Variants in ACAP2 observed in about 807,000 individuals in gnomAD.
ACAP2 encodes ArfGAP with coiled-coil, ankyrin repeat and PH domains 2, also known as arf-GAP with coiled-coil, ANK repeat and PH domain-containing protein 2.
A neutral mutation model predicts 115.8 loss-of-function variants in ACAP2; 39 were observed. That is an observed-to-expected ratio of 0.34 (90% confidence interval 0.26 to 0.44). The LOEUF is 0.44. Among genes scored for constraint, ACAP2 ranks in the 20% least tolerant of loss-of-function variants. The pLI, the probability that ACAP2 is intolerant of heterozygous loss-of-function variation, is 1.00. For synonymous variants in ACAP2, 289 were observed against 315.8 expected, an observed-to-expected ratio of 0.92 and a Z score of 0.90; for missense variants, 662 against 927.6, an observed-to-expected ratio of 0.71 and a Z score of 3.72.
chr3:195,417,876 G>C (rs1713871329), intron 1 of ACAP2, among the ~76,000 whole-genome samples: 1 of 151,944 alleles, frequency 6.6e-6, no homozygotes, highest in African/African-American at 2.4e-5. Flanking sequence ...TTGAGTCTTG[G>C]AGTTCAAGGT....
chr3:195,362,613 T>A lies in ACAP2; in HGVS notation c.286-17296A>T, dbSNP rs541897547. ...TCAACAAAATATAAGCAAACTCAAA[T>A]TAAACAACACATTAAAAGGATTACC... is the stretch of plus-strand genomic sequence containing the variant. On this transcript the variant is annotated intron_variant, in intron 4 of 22. Transcript: ENST00000326793. 7.9e-5 allele frequency among the ~76,000 whole-genome samples: 12 copies of A among 151,928 alleles called. No individual in the cohort carries two copies. The South Asian group carries it at 2.5e-3, about 32-fold the overall frequency.
chr3:195,343,009 A>AC, intron 5 of ACAP2, among the ~76,000 whole-genome samples: 1 of 151,870 alleles, frequency 6.6e-6, no homozygotes, highest in Admixed American at 6.6e-5. Flanking sequence ...AAAAAAAAAA[A>AC]TTAGCAAAAT....
intron 2 of ACAP2, among the ~76,000 whole-genome samples, chr3:195,382,384 G>T (rs878941688): frequency 1.3e-5 from 2 of 151,782 alleles, no homozygotes; most frequent in Non-Finnish European, 2.9e-5. Flanking sequence ...AAAAAAAAAT[G>T]TCTCTAATAC....
chr3:195,328,880 C>G (rs1293124624), intron 8 of ACAP2, among the ~76,000 whole-genome samples: 1 of 152,128 alleles, frequency 6.6e-6, no homozygotes, highest in Non-Finnish European at 1.5e-5. Flanking sequence ...TAGATCGAGA[C>G]CATCCTGGCT....
At chr3:195,371,520 T>A (rs952299518) in intron 4 of ACAP2, among the ~76,000 whole-genome samples, 3 of 152,218 alleles carry the variant, frequency 2.0e-5, no homozygotes. Flanking sequence ...TCTGACTTCC[T>A]CTCTTCCTAT....
At chr3:195,295,954 C>T in intron 16 of ACAP2, 62 bp from the exon 17 acceptor site, 1 of 1,383,676 alleles carries the variant, frequency 7.2e-7, no homozygotes, top group Non-Finnish European at 9.9e-7. Context: ...AATACCACAA[C>T]AAGCCATTAT....
chr3:195,283,487 A>C (rs11709417), intron 22 of ACAP2, among the ~76,000 whole-genome samples: 34,832 of 152,164 alleles, frequency 0.23, 4,706 homozygotes, highest in East Asian at 0.71. Flanking sequence ...ATTTACCCAG[A>C]GTTCTGAGGT....
At chr3:195,428,227 A>C (rs1056798163) in intron 1 of ACAP2, among the ~76,000 whole-genome samples, 11 of 150,960 alleles carry the variant, frequency 7.3e-5, no homozygotes, top group African/African-American at 2.4e-4. Context: ...ATATGTATGT[A>C]TATATGCAGT....
chr3:195,304,697 T>G (rs190076885), intron 13 of ACAP2, among the ~76,000 whole-genome samples: 31 of 152,192 alleles, frequency 2.0e-4, no homozygotes, highest in Non-Finnish European at 2.9e-4. Context: ...TCCCCACCAA[T>G]CCCTCATAGC....
intron 22 of ACAP2, among the ~76,000 whole-genome samples, chr3:195,280,075 G>A (rs1726391571): frequency 6.6e-6 from 1 of 151,966 alleles, no homozygotes. Flanking sequence ...GGGAAGCTGG[G>A]TGGGGGGGTT....
chr3:195,438,392 T>TA (rs11340511), intron 1 of ACAP2, among the ~76,000 whole-genome samples: 47 of 146,664 alleles, frequency 3.2e-4, no homozygotes, highest in Admixed American at 6.8e-4. Context: ...CTTCTGAGAT[T>TA]AAAAAAAAAA....
intron 13 of ACAP2, among the ~76,000 whole-genome samples, chr3:195,305,110 G>C (rs1728336153): frequency 6.6e-6 from 1 of 152,106 alleles, no homozygotes; most frequent in African/African-American, 2.4e-5. Context: ...AAAAAGAACA[G>C]GTCTATATCT....
intron 20 of ACAP2, among the ~76,000 whole-genome samples, chr3:195,290,040 G>A (rs1397126237): frequency 2.6e-5 from 4 of 152,162 alleles, no homozygotes; most frequent in African/African-American, 9.6e-5. Context: ...TAACTAAATG[G>A]AGTCTATGAA....
chr3:195,351,657 G>T (rs1731617884), intron 4 of ACAP2, among the ~76,000 whole-genome samples: 1 of 150,664 alleles, frequency 6.6e-6, no homozygotes, highest in African/African-American at 2.4e-5. Flanking sequence ...GTAGACAAAG[G>T]GTTTCACTGT....
At chr3:195,398,415 C>G (rs1711985806) in intron 1 of ACAP2, among the ~76,000 whole-genome samples, 1 of 152,078 alleles carries the variant, frequency 6.6e-6, no homozygotes, top group South Asian at 2.1e-4. Context: ...GAGGCCAAGG[C>G]AGGTAGATCA....
intron 4 of ACAP2, among the ~76,000 whole-genome samples, chr3:195,362,201 A>G (rs1320339863): frequency 6.6e-6 from 1 of 151,940 alleles, no homozygotes; most frequent in African/African-American, 2.4e-5. Flanking sequence ...CTGTAATCCC[A>G]GCTACTCAGG....
chr3:195,397,278 T>A (rs563001690), intron 1 of ACAP2, among the ~76,000 whole-genome samples: 1 of 152,168 alleles, frequency 6.6e-6, no homozygotes, highest in Non-Finnish European at 1.5e-5. Flanking sequence ...AACAGCCTTA[T>A]GTACCTTGGG....
At chr3:195,421,229 GAA>G (rs1714164587) in intron 1 of ACAP2, among the ~76,000 whole-genome samples, 1 of 152,150 alleles carries the variant, frequency 6.6e-6, no homozygotes, top group African/African-American at 2.4e-5. Flanking sequence ...TTCACCTCTA[GAA>G]GTTTTCATTC....
At chr3:195,364,078 G>A (rs1732550280) in intron 4 of ACAP2, among the ~76,000 whole-genome samples, 1 of 152,094 alleles carries the variant, frequency 6.6e-6, no homozygotes, top group Non-Finnish European at 1.5e-5. Context: ...AGAAGCACAG[G>A]CAACCAAGGC....
Sources: allele counts gnomAD v4.1 joint callset (sites outside exome capture counted in the v4.1 genomes callset), GRCh38; gene constraint gnomAD v4.1.1; transcripts MANE v1.5; gene names NCBI Gene and HGNC (gene_info 2026-07-23, HGNC 2026-07-21).